Variants in CSMD1 observed in about 807,000 individuals in gnomAD.
The protein encoded by CSMD1 is CUB and sushi domain-containing protein 1.
Under a neutral mutation model 417.5 loss-of-function variants are expected in CSMD1, and 213 were observed. That is an observed-to-expected ratio of 0.51 (90% confidence interval 0.46 to 0.57). The LOEUF (loss-of-function observed/expected upper bound fraction) is 0.57. CSMD1 is among the 20% of genes least tolerant of loss of function. The probability of loss-of-function intolerance (pLI) is 0.00; values close to 1 mark genes in which losing one functional copy is unlikely to be tolerated. For missense variants in CSMD1, 6,923 were observed against 4,529.7 expected, an observed-to-expected ratio of 1.53 and a Z score of -15.17; for synonymous variants, 2,862 against 1,736.8, an observed-to-expected ratio of 1.65 and a Z score of -16.11.
chr8:4,302,663 G>T (rs1048552505), intron 3 of CSMD1, among the ~76,000 whole-genome samples: 2 of 152,154 alleles, frequency 1.3e-5, no homozygotes, highest in Admixed American at 6.5e-5. Context: ...GCTGATTAAT[G>T]TTCAAAAGCA....
In CSMD1 at chr8:3,457,717, A is replaced by C. The variant is rs113864801; in HGVS notation, c.1561+10995T>G. On this transcript the variant is annotated intron_variant, in intron 12 of 69. Coordinates refer to ENST00000635120, the MANE Select transcript of CSMD1 (RefSeq NM_033225.6). ...TTGAGATCATAAAAACTCGTAAAGG[A>C]AACAGAAATACCAAAGAAAAATAAT... Among the ~76,000 whole-genome samples the C allele has an allele frequency of 2.0e-3, 299 of 152,348 alleles. 2 individuals are homozygous for C. The highest frequency in any genetic ancestry group is 6.6e-3 in the African/African-American group (274 of 41,588).
At chr8:4,950,566 T>A (rs184198285) in intron 1 of CSMD1, among the ~76,000 whole-genome samples, 1 of 152,200 alleles carries the variant, frequency 6.6e-6, no homozygotes. Flanking sequence ...TAACTTTTTA[T>A]AAATTTAGTT....
At chr8:3,441,533 G>A (rs1440971176) in intron 12 of CSMD1, among the ~76,000 whole-genome samples, 1 of 140,664 alleles carries the variant, frequency 7.1e-6, no homozygotes, top group Non-Finnish European at 1.6e-5. Flanking sequence ...ACAAAATCCT[G>A]TACCACGTAA....
At chr8:3,257,208 C>T (rs1800717318) in intron 26 of CSMD1, among the ~76,000 whole-genome samples, 2 of 152,184 alleles carry the variant, frequency 1.3e-5, no homozygotes, top group Non-Finnish European at 2.9e-5. Flanking sequence ...TCTGTAATCC[C>T]AGCTACTCAG....
At chr8:3,320,275 C>T (rs1490037813) in intron 23 of CSMD1, among the ~76,000 whole-genome samples, 1 of 152,158 alleles carries the variant, frequency 6.6e-6, no homozygotes, top group Admixed American at 6.6e-5. Context: ...CAACTGAGTT[C>T]TTCCCAAATT....
chr8:3,379,400 A>C (rs1180093995), intron 18 of CSMD1, among the ~76,000 whole-genome samples: 3 of 152,192 alleles, frequency 2.0e-5, no homozygotes, highest in Non-Finnish European at 4.4e-5. Flanking sequence ...AAAACTACTT[A>C]AAATGTCATA....
chr8:3,576,307 T>A (rs1046029811), intron 9 of CSMD1, among the ~76,000 whole-genome samples: 30 of 149,924 alleles, frequency 2.0e-4, no homozygotes, highest in Non-Finnish European at 3.3e-4. Flanking sequence ...ATAATACAAA[T>A]CATGGCTATT....
At chr8:3,812,312 G>A (rs528496377) in intron 5 of CSMD1, among the ~76,000 whole-genome samples, 30 of 152,272 alleles carry the variant, frequency 2.0e-4, no homozygotes, top group African/African-American at 7.2e-4. Context: ...GTCCTTTTCT[G>A]AGCTTTGCCT....
At chr8:3,415,315 C>T (rs1041938332) in intron 12 of CSMD1, among the ~76,000 whole-genome samples, 20 of 152,150 alleles carry the variant, frequency 1.3e-4, no homozygotes, top group African/African-American at 4.8e-4. Flanking sequence ...TATTATTAAC[C>T]ATAGTACCAT....
chr8:3,400,172 G>A (rs1811951491), intron 15 of CSMD1, among the ~76,000 whole-genome samples: 1 of 152,118 alleles, frequency 6.6e-6, no homozygotes, highest in Admixed American at 6.6e-5. Context: ...CAGTGAAAGT[G>A]ATTATGCATA....
rs200803003 is a variant in CSMD1, at chr8:4,243,992, G to C, written c.415+175961C>G. 2.0e-5 allele frequency among the ~76,000 whole-genome samples: 3 copies of C among 152,304 alleles called. No individual in the cohort carries two copies. The East Asian group carries it at 5.8e-4, about 29-fold the overall frequency. On this transcript the variant is annotated intron_variant, in intron 3 of 69. Coordinates refer to ENST00000635120, the MANE Select transcript of CSMD1 (RefSeq NM_033225.6). ...AACGGGTTACAGTGGCAGAATTTCA[G>C]TCCCTGCCATGGAGTGGGAAGCTGC...
chr8:4,898,006 GA>G (rs1308437135), intron 1 of CSMD1, among the ~76,000 whole-genome samples: 7 of 152,128 alleles, frequency 4.6e-5, no homozygotes, highest in Non-Finnish European at 7.4e-5. Flanking sequence ...CTCTGTACTG[GA>G]AAAACAGACT....
intron 30 of CSMD1, among the ~76,000 whole-genome samples, chr8:3,214,216 T>C (rs957474237): frequency 6.6e-6 from 1 of 152,064 alleles, no homozygotes; most frequent in Non-Finnish European, 1.5e-5. Flanking sequence ...GCACCTCTTA[T>C]AAAGAACAGA....
In CSMD1 at chr8:3,901,813, A is replaced by G. The variant is rs374468378; in HGVS notation, c.818+96090T>C. Among the ~76,000 whole-genome samples the G allele has an allele frequency of 5.9e-5, 9 of 152,338 alleles. No homozygotes were observed. The East Asian group carries it at 1.5e-3, about 26-fold the overall frequency. ...GGTTTATTAAGCTCTTGGGGTGTTC[A>G]CAAGTATTCTTTGTTTGCATCCTGA... is the stretch of plus-strand genomic sequence containing the variant. On this transcript the variant is annotated intron_variant, in intron 5 of 69. Coordinates refer to ENST00000635120, the MANE Select transcript of CSMD1 (RefSeq NM_033225.6).
chr8:2,950,140 C>T (rs1802526268), intron 67 of CSMD1, 91 bp downstream of exon 67: 5 of 840,372 alleles, frequency 5.9e-6, no homozygotes, highest in South Asian at 1.5e-5. Flanking sequence ...GACAGCTCTA[C>T]TCAGAAGCCT....
At chr8:3,548,860 G>C (rs371923415) in intron 10 of CSMD1, among the ~76,000 whole-genome samples, 1 of 151,936 alleles carries the variant, frequency 6.6e-6, no homozygotes, top group South Asian at 2.1e-4. Context: ...GTGCTCCCTG[G>C]GCTGGGTCCC....
At chr8:4,229,521 T>G (rs972695359) in intron 3 of CSMD1, among the ~76,000 whole-genome samples, 1 of 152,184 alleles carries the variant, frequency 6.6e-6, no homozygotes, top group African/African-American at 2.4e-5. Context: ...CTACTGTAGC[T>G]TTTTTCCTCT....
intron 3 of CSMD1, among the ~76,000 whole-genome samples, chr8:4,325,059 G>T (rs892788794): frequency 5.3e-5 from 8 of 152,134 alleles, no homozygotes; most frequent in Non-Finnish European, 1.2e-4. Context: ...TTGTAGTTAC[G>T]CATCCAGTGG....
intron 2 of CSMD1, among the ~76,000 whole-genome samples, chr8:4,628,479 C>T (rs1386920658): frequency 6.8e-6 from 1 of 147,530 alleles, no homozygotes; most frequent in Non-Finnish European, 1.5e-5. Context: ...TGTATATATA[C>T]ACACAGTATC....
Sources: gnomAD v4.1 joint callset for allele counts (sites outside exome capture counted in the v4.1 genomes callset) on GRCh38, gnomAD v4.1.1 for gene constraint, MANE v1.5 for transcripts, NCBI Gene and HGNC (gene_info 2026-07-23, HGNC 2026-07-21) for gene names.